The following LRRC4C variants were observed in gnomAD, a reference collection of about 807,000 sequenced individuals.
LRRC4C encodes the protein leucine-rich repeat-containing protein 4C.
In LRRC4C, 5 loss-of-function variants were observed where a neutral mutation model predicts 33.6. The ratio of observed to expected loss-of-function variants is 0.15; its 90% CI spans 0.08 to 0.31. The LOEUF is 0.31. Ranked by LOEUF, LRRC4C falls within the 10% of genes least tolerant of loss-of-function variation. The probability of loss-of-function intolerance (pLI) is 1.00; values close to 1 mark genes in which losing one functional copy is unlikely to be tolerated. For synonymous variants in LRRC4C, 329 were observed against 302.0 expected (o/e 1.09, Z -0.93); for missense variants, 560 against 796.7 (o/e 0.70, Z 3.58).
intron 1 of LRRC4C, among the ~76,000 whole-genome samples, chr11:41,030,493 T>A (rs1856654935): frequency 6.6e-6 from 1 of 151,776 alleles, no homozygotes; most frequent in African/African-American, 2.4e-5. Context: ...GAGGGAGCGT[T>A]TCACAACACC....
Position 40,633,325 on chromosome 11 carries a change from T to TTCTCTTTC in LRRC4C, c.-270+14816_-270+14817insGAAAGAGA, listed in dbSNP as rs772299978. On this transcript the variant is annotated intron_variant, in intron 3 of 6. Transcript: ENST00000528697. Reference sequence around the variant, plus strand: ...AAATCTTAGCTCAGCCAAGTTTTCTTTTTCTTTCTTTCTTTCTTTCTTTCT... The same window carrying TTCTCTTTC: ...AAATCTTAGCTCAGCCAAGTTTTCTTTCTCTTTCTTTCTTTCTTTCTTTCTTTCTTTCT... Among the ~76,000 whole-genome samples, 197 of 112,270 alleles carry TTCTCTTTC rather than the reference T, an allele frequency of 1.8e-3. 7 individuals are homozygous for TTCTCTTTC. Among genetic ancestry groups the TTCTCTTTC allele is most frequent in the African/African-American group, 3.6e-3 (118 of 32,996 alleles). 73.7% of individuals were successfully genotyped at this position (112,270 alleles called of 152,430 possible). A position where few individuals can be genotyped will look rare whatever the true frequency, so the allele number is the denominator to read the frequency against.
intron 3 of LRRC4C, among the ~76,000 whole-genome samples, chr11:40,366,888 A>G (rs1948231058): frequency 6.6e-6 from 1 of 152,050 alleles, no homozygotes; most frequent in African/African-American, 2.4e-5. Flanking sequence ...GGAAGATAGG[A>G]AGACTAACTG....
intron 1 of LRRC4C, among the ~76,000 whole-genome samples, chr11:41,069,559 T>C (rs1186374039): frequency 6.6e-6 from 1 of 152,118 alleles, no homozygotes; most frequent in Non-Finnish European, 1.5e-5. Context: ...GATAAGCAAC[T>C]TCAACAAAGT....
chr11:41,068,745 G>A (rs1938451642), intron 1 of LRRC4C, among the ~76,000 whole-genome samples: 1 of 151,958 alleles, frequency 6.6e-6, no homozygotes, highest in Admixed American at 6.6e-5. Flanking sequence ...TTTTGAAATT[G>A]AGGCAGTAAT....
intron 1 of LRRC4C, among the ~76,000 whole-genome samples, chr11:41,371,733 T>TG (rs1490433846): frequency 3.1e-4 from 47 of 152,360 alleles, no homozygotes; most frequent in African/African-American, 1.1e-3. Flanking sequence ...AAAACTTTGC[T>TG]GAACTCCTAC....
At chr11:41,372,574 C>A (rs1465164709) in intron 1 of LRRC4C, among the ~76,000 whole-genome samples, 1 of 152,120 alleles carries the variant, frequency 6.6e-6, no homozygotes, top group African/African-American at 2.4e-5. Context: ...AACTTATGAA[C>A]TATTAAATAA....
intron 2 of LRRC4C, among the ~76,000 whole-genome samples, chr11:40,857,742 C>T (rs1953860079): frequency 6.6e-6 from 1 of 151,984 alleles, no homozygotes; most frequent in Non-Finnish European, 1.5e-5. Context: ...TGGCAAATCC[C>T]TGTCTTTACA....
chr11:41,134,217 C>T (rs1490682693), intron 1 of LRRC4C, among the ~76,000 whole-genome samples: 1 of 152,164 alleles, frequency 6.6e-6, no homozygotes, highest in African/African-American at 2.4e-5. Flanking sequence ...CCACCTAAGC[C>T]TCCTGAGTAG....
At chr11:41,062,712 G>A (rs1937881818) in intron 1 of LRRC4C, among the ~76,000 whole-genome samples, 1 of 152,166 alleles carries the variant, frequency 6.6e-6, no homozygotes, top group African/African-American at 2.4e-5. Context: ...GACATTGTTT[G>A]AAAATACGGT....
At chr11:41,319,230 GA>G (rs1248947922) in intron 1 of LRRC4C, among the ~76,000 whole-genome samples, 2 of 152,272 alleles carry the variant, frequency 1.3e-5, no homozygotes, top group South Asian at 4.1e-4. Flanking sequence ...AGTATCAGCA[GA>G]ACATTTCTGT....
intron 1 of LRRC4C, among the ~76,000 whole-genome samples, chr11:41,183,468 G>A (rs763493173): frequency 6.6e-5 from 10 of 152,098 alleles, no homozygotes; most frequent in Non-Finnish European, 7.4e-5. Context: ...GAAATCCAGC[G>A]GGTCAGTCAG....
At chr11:40,725,712 T>C (rs1352047015) in intron 2 of LRRC4C, among the ~76,000 whole-genome samples, 1 of 152,180 alleles carries the variant, frequency 6.6e-6, no homozygotes. Context: ...GCACAGCTGT[T>C]AAAAGTTCTC....
At chr11:41,326,333 A>T (rs1013602765) in intron 1 of LRRC4C, among the ~76,000 whole-genome samples, 5 of 152,182 alleles carry the variant, frequency 3.3e-5, no homozygotes, top group African/African-American at 1.2e-4. Flanking sequence ...CTTTGGCTAC[A>T]GACTGAAGGC....
rs201366160 is a variant in LRRC4C, at chr11:40,834,884, GCAGACAGA to G, written c.-407+98743_-407+98750del. 4.1e-3 allele frequency among the ~76,000 whole-genome samples: 505 copies of G among 122,250 alleles called. 2 individuals are homozygous for G. The highest frequency in any genetic ancestry group is 0.011 in the South Asian group (33 of 3,116). 80.2% of individuals were successfully genotyped at this position (122,250 alleles called of 152,430 possible). On this transcript the variant is annotated intron_variant, in intron 2 of 6. Transcript: ENST00000528697. Reference sequence around the variant, plus strand: ...CAAAACATATGCAAAGAAAAGACAGGCAGACAGACAGACAGACAGACAGACAGACACAC... The same window carrying G: ...CAAAACATATGCAAAGAAAAGACAGGCAGACAGACAGACAGACAGACACAC...
At chr11:41,158,916 A>G (rs1590788219) in intron 1 of LRRC4C, among the ~76,000 whole-genome samples, 2 of 152,166 alleles carry the variant, frequency 1.3e-5, no homozygotes, top group African/African-American at 4.8e-5. Flanking sequence ...ATCTTATCCC[A>G]TAAGACAGGA....
At chr11:41,286,777 G>A (rs1041973815) in intron 1 of LRRC4C, among the ~76,000 whole-genome samples, 1 of 152,066 alleles carries the variant, frequency 6.6e-6, no homozygotes, top group Non-Finnish European at 1.5e-5. Flanking sequence ...GGAGGGGGAG[G>A]AGAGGGAGGA....
At chr11:41,243,563 A>C (rs1004486182) in intron 1 of LRRC4C, among the ~76,000 whole-genome samples, 3 of 152,174 alleles carry the variant, frequency 2.0e-5, no homozygotes, top group African/African-American at 7.2e-5. Context: ...GACCAAGTTA[A>C]AAGATGCATC....
chr11:40,963,177 A>G (rs544282093), intron 1 of LRRC4C, among the ~76,000 whole-genome samples: 1 of 151,800 alleles, frequency 6.6e-6, no homozygotes, highest in Non-Finnish European at 1.5e-5. Context: ...TTTAATTGTT[A>G]TAAAAATTAT....
At chr11:40,718,491 C>T (rs764552063) in intron 2 of LRRC4C, among the ~76,000 whole-genome samples, 5 of 152,022 alleles carry the variant, frequency 3.3e-5, no homozygotes, top group East Asian at 1.9e-4. Context: ...CCAGCTGAGG[C>T]GCTAAAGGAA....
Sources: allele counts gnomAD v4.1 joint callset (sites outside exome capture counted in the v4.1 genomes callset), GRCh38; gene constraint gnomAD v4.1.1; transcripts MANE v1.5; gene names NCBI Gene and HGNC (gene_info 2026-07-23, HGNC 2026-07-21).